The following LRP2 variants were observed in gnomAD, a reference collection of about 807,000 sequenced individuals.
LRP2 encodes the protein LDL receptor related protein 2.
Under a neutral mutation model 531.0 loss-of-function variants are expected in LRP2, and 172 were observed. The ratio of observed to expected loss-of-function variants is 0.32; its 90% CI spans 0.29 to 0.37. The LOEUF (loss-of-function observed/expected upper bound fraction) is 0.37, where lower values mean the gene tolerates loss of function less well. Ranked by LOEUF, LRP2 falls within the 10% of genes least tolerant of loss-of-function variation. The pLI, the probability that LRP2 is intolerant of heterozygous loss-of-function variation, is 1.00. For synonymous variants in LRP2, 1,992 were observed against 2,027.6 expected (o/e 0.98, Z 0.47); for missense variants, 5,167 against 5,868.3 (o/e 0.88, Z 3.90).
Position 169,169,809 on chromosome 2 carries a change from G to A in LRP2, c.11390C>T (p.Thr3797Ile), listed in dbSNP as rs746437226. 17 of 1,608,952 alleles carry A rather than the reference G, an allele frequency of 1.1e-5. No individual in the cohort carries two copies. The highest frequency in any genetic ancestry group is 1.4e-5 in the Non-Finnish European group (17 of 1,175,370). The change falls in exon 60 of 79, where the codon ACC becomes ATC. Residue 3797 changes from threonine (T) to isoleucine (I), a missense_variant. Physicochemically the swap from Thr to Ile is moderately conservative, Grantham distance 89 (BLOSUM62 -1). Coordinates refer to ENST00000649046, the MANE Select transcript of LRP2 (RefSeq NM_004525.3). ...NSDERDCEMR[T>I]CHPEYFQCTS... ...ACACTGAAAATATTCAGGATGGCAGGTCCTCATCTCTGAAGAGAAAAGATT... is the reference window on the plus strand; with the variant it reads ...ACACTGAAAATATTCAGGATGGCAGATCCTCATCTCTGAAGAGAAAAGATT...
In LRP2 at chr2:169,135,021, A is replaced by G. The variant is rs529190146; in HGVS notation, c.13621-2340T>C. On this transcript the variant is annotated intron_variant, in intron 76 of 78. Transcript: ENST00000649046. Reference sequence around the variant, plus strand: ...CCCCCGCTGAAACTTCCACCTATCAATCTCTTCCCACACAAGGCAAATGGT... The same window carrying G: ...CCCCCGCTGAAACTTCCACCTATCAGTCTCTTCCCACACAAGGCAAATGGT... Among the ~76,000 whole-genome samples, 7 of 152,088 alleles carry G rather than the reference A, an allele frequency of 4.6e-5. No homozygotes were observed. In the East Asian group the frequency reaches 1.4e-3, roughly 29 times the overall value.
In LRP2 at chr2:169,256,150, T is replaced by G. The variant is rs36082715; in HGVS notation, c.2726A>C (p.His909Pro). 1 of 1,613,074 alleles carries G rather than the reference T, an allele frequency of 6.2e-7. No individual in the cohort carries two copies. Among genetic ancestry groups the G allele is most frequent in the Admixed American group, 1.7e-5 (1 of 59,942 alleles). ...AAACGGATGTGTCATCTGCTCTATATGGCCCAGTCTTCTTCTGTCTAAACC... is the reference window on the plus strand; with the variant it reads ...AAACGGATGTGTCATCTGCTCTATAGGGCCCAGTCTTCTTCTGTCTAAACC... Reference protein sequence around the residue: ...FDGLDRRRLGHIEQMTHPFGL... With the variant: ...FDGLDRRRLGPIEQMTHPFGL... Residue 909 changes from histidine to proline, a missense_variant, in exon 19 of 79, where the codon CAT (histidine) becomes CCT (proline). Physicochemically the swap from His to Pro is moderately conservative, Grantham distance 77 (BLOSUM62 -2). Coordinates refer to ENST00000649046, the MANE Select transcript of LRP2 (RefSeq NM_004525.3).
intron 27 of LRP2, 72 bp downstream of exon 27, chr2:169,238,019 C>T (rs939940413): frequency 1.5e-6 from 2 of 1,324,800 alleles, no homozygotes; most frequent in African/African-American, 2.9e-5. Context: ...CCTTCTCTCA[C>T]TGGTGAATAA....
Position 169,264,168 on chromosome 2 carries a change from G to A in LRP2, c.2321-4951C>T, listed in dbSNP as rs550843599. Among the ~76,000 whole-genome samples the A allele has an allele frequency of 5.9e-4, 90 of 151,968 alleles. 1 individual carries two copies. In the South Asian group the frequency reaches 0.018, roughly 30 times the overall value. On this transcript the variant is annotated intron_variant, in intron 16 of 78. Transcript: ENST00000649046. ...TAGATGACGAGTTAGTGGGTGCAGC[G>A]CACCAGCATGGCACATGTATACATA...
At chr2:169,202,370 T>C (rs1688231810) in intron 43 of LRP2, among the ~76,000 whole-genome samples, 1 of 152,188 alleles carries the variant, frequency 6.6e-6, no homozygotes, top group Non-Finnish European at 1.5e-5. Context: ...TACGTTTCCT[T>C]AGTCCCAAGC....
In LRP2 at chr2:169,237,149, T is replaced by C. The variant is rs770753221; in HGVS notation, c.4645A>G (p.Lys1549Glu). The C allele has an allele frequency of 1.9e-6, 3 of 1,614,072 alleles. No homozygotes were observed. Among genetic ancestry groups the C allele is most frequent in the South Asian group, 1.1e-5 (1 of 91,082 alleles). Residue 1549 changes from lysine to glutamate, a missense_variant, in exon 28 of 79, where the codon AAA (lysine) becomes GAA (glutamate). Physicochemically the swap from Lys to Glu is moderately conservative, Grantham distance 56. This residue lies in a region of LRP2 where 2,811 missense variants were observed against 3,058.0 expected (regional missense o/e 0.92). Coordinates refer to ENST00000649046, the MANE Select transcript of LRP2 (RefSeq NM_004525.3). Reference protein sequence around the residue: ...DGSHRTVLISKNLTNPRGLAL... With the variant: ...DGSHRTVLISENLTNPRGLAL... ...AGTCCTCTTGGATTTGTTAGGTTTT[T>C]ACTAATCAGCACAGTCCTGTGGCTC...
intron 3 of LRP2, among the ~76,000 whole-genome samples, chr2:169,307,721 C>A (rs13403197): frequency 0.019 from 2,963 of 152,082 alleles, 98 homozygotes; most frequent in African/African-American, 0.068. Context: ...ACCAAGGACC[C>A]CCAACCCACC....
intron 52 of LRP2, among the ~76,000 whole-genome samples, chr2:169,179,249 T>G (rs1347025314): frequency 6.6e-6 from 1 of 152,100 alleles, no homozygotes; most frequent in Non-Finnish European, 1.5e-5. Context: ...TCATGCAATC[T>G]GCCCTGCTCA....
At chr2:169,141,487 C>A (rs1685716899) in intron 71 of LRP2, among the ~76,000 whole-genome samples, 1 of 152,230 alleles carries the variant, frequency 6.6e-6, no homozygotes, top group Admixed American at 6.5e-5. Flanking sequence ...TGGCACATAG[C>A]TGGCACTCAA....
rs1688092900 is a variant in LRP2, at chr2:169,198,873, T to A, written c.8491A>T (p.Asn2831Tyr). The A allele has an allele frequency of 3.1e-6, 5 of 1,613,930 alleles. No homozygotes were observed. Among genetic ancestry groups the A allele is most frequent in the Non-Finnish European group, 4.2e-6 (5 of 1,179,878 alleles). ...TCQSGYTKCH[N>Y]SNICIPRVYL... is the part of the protein sequence containing the mutation. The stretch of plus-strand genomic sequence containing the variant: ...ACGCGAGGAATACAAATATTTGAAT[T>A]ATGACATTTTGTGTATCCAGACTGG... The change falls in exon 45 of 79, where the codon AAT (asparagine) becomes TAT (tyrosine). Residue 2831 changes from asparagine to tyrosine, a missense_variant. Physicochemically the swap from Asn to Tyr is moderately radical, Grantham distance 143. Around this residue, in one of 6 missense-constraint regions of LRP2, gnomAD observed 1,129 missense variants for 1,362.7 expected, o/e 0.83. Transcript: ENST00000649046.
At chr2:169,355,787 T>C (rs922108358) in intron 1 of LRP2, among the ~76,000 whole-genome samples, 2 of 152,230 alleles carry the variant, frequency 1.3e-5, no homozygotes, top group Admixed American at 6.5e-5. Flanking sequence ...GCCTCCATTT[T>C]ATATTAGGTT....
Position 169,304,454 on chromosome 2 carries a change from T to C in LRP2, c.427+2827A>G, listed in dbSNP as rs1157456573. 2.0e-5 allele frequency among the ~76,000 whole-genome samples: 3 copies of C among 152,214 alleles called. No homozygotes were observed. In the East Asian group the frequency reaches 5.8e-4, roughly 29 times the overall value. ...TTGTCCTCATAAAGGAACCTAATAGTAACAACTAGAATTTATATAATGCTC... is the reference window on the plus strand; with the variant it reads ...TTGTCCTCATAAAGGAACCTAATAGCAACAACTAGAATTTATATAATGCTC... On this transcript the variant is annotated intron_variant, in intron 4 of 78. Transcript: ENST00000649046.
intron 1 of LRP2, among the ~76,000 whole-genome samples, chr2:169,359,041 A>C (rs16856844): frequency 0.023 from 3,530 of 152,158 alleles, 49 homozygotes; most frequent in Middle Eastern, 0.034. Context: ...AATAGGAAGC[A>C]AAACAATATG....
At chr2:169,261,687 C>A (rs1690560904) in intron 16 of LRP2, among the ~76,000 whole-genome samples, 1 of 152,102 alleles carries the variant, frequency 6.6e-6, no homozygotes, top group African/African-American at 2.4e-5. Flanking sequence ...TGGTACCATT[C>A]CTTCTGAAAT....
chr2:169,258,881 A>G, intron 17 of LRP2, 144 bp downstream of exon 17: 1 of 780,144 alleles, frequency 1.3e-6, no homozygotes, highest in Non-Finnish European at 2.1e-6. Flanking sequence ...TTGGAGGAAA[A>G]AAGAAATAAA....
intron 3 of LRP2, among the ~76,000 whole-genome samples, chr2:169,315,676 T>G (rs1314108110): frequency 6.6e-6 from 1 of 152,196 alleles, no homozygotes; most frequent in Non-Finnish European, 1.5e-5. Context: ...AATTGGAACT[T>G]TCTCCTGGAA....
chr2:169,271,558 C>T, intron 15 of LRP2: 1 of 183,582 alleles, frequency 5.4e-6, no homozygotes, highest in Non-Finnish European at 1.0e-5. Flanking sequence ...AAATTAGATA[C>T]TGAGTTTTAA....
At chr2:169,304,107 T>C (rs1034699235) in intron 4 of LRP2, among the ~76,000 whole-genome samples, 34 of 152,204 alleles carry the variant, frequency 2.2e-4, no homozygotes, top group African/African-American at 8.2e-4. Flanking sequence ...AAACATTCTG[T>C]TTCAGCTGAC....
chr2:169,341,870 C>T (rs879486285), intron 1 of LRP2, among the ~76,000 whole-genome samples: 12 of 152,122 alleles, frequency 7.9e-5, no homozygotes, highest in South Asian at 2.1e-4. Flanking sequence ...GCTCTTATTA[C>T]CAATAGCATC....
Sources: gnomAD v4.1 joint callset for allele counts (sites outside exome capture counted in the v4.1 genomes callset) on GRCh38, gnomAD v4.1.1 for gene constraint, gnomAD v4.1.1 regional missense constraint, MANE v1.5 for transcripts, NCBI Gene and HGNC (gene_info 2026-07-23, HGNC 2026-07-21) for gene names.